Variants in NRG3 observed in about 807,000 individuals in gnomAD.
NRG3 encodes pro-neuregulin-3, membrane-bound isoform.
In NRG3, 31 loss-of-function variants were observed where a neutral mutation model predicts 66.9. The ratio of observed to expected loss-of-function variants is 0.46; its 90% CI spans 0.35 to 0.63. The LOEUF (loss-of-function observed/expected upper bound fraction) is 0.63, where lower values mean the gene tolerates loss of function less well. Ranked by LOEUF, NRG3 falls within the 20% of genes least tolerant of loss-of-function variation. The pLI is 0.00. For missense variants in NRG3, 910 were observed against 878.9 expected, an observed-to-expected ratio of 1.04 and a Z score of -0.45; for synonymous variants, 393 against 359.4, an observed-to-expected ratio of 1.09 and a Z score of -1.06.
chr10:82,243,163 A>G (rs1475371674), intron 1 of NRG3, among the ~76,000 whole-genome samples: 5 of 152,232 alleles, frequency 3.3e-5, no homozygotes, highest in Non-Finnish European at 7.3e-5. Flanking sequence ...CTCCAAAGTT[A>G]AAGTGATATG....
At chr10:82,348,262 G>A (rs909500978) in intron 1 of NRG3, among the ~76,000 whole-genome samples, 4 of 151,932 alleles carry the variant, frequency 2.6e-5, no homozygotes, top group Non-Finnish European at 4.4e-5. Flanking sequence ...GGGCAGGCCT[G>A]GTGGTGACAA....
chr10:82,459,061 C>A (rs1305303541), intron 2 of NRG3, among the ~76,000 whole-genome samples: 3 of 152,170 alleles, frequency 2.0e-5, no homozygotes, highest in African/African-American at 7.2e-5. Context: ...CATGGCAGGG[C>A]TGCTACCAAA....
intron 2 of NRG3, among the ~76,000 whole-genome samples, chr10:82,417,764 C>T (rs1209099247): frequency 1.3e-5 from 2 of 152,132 alleles, no homozygotes; most frequent in Non-Finnish European, 2.9e-5. Flanking sequence ...ATTATCACCG[C>T]GAAGCCCAGC....
At chr10:82,853,414 C>G (rs965635490) in intron 3 of NRG3, among the ~76,000 whole-genome samples, 4 of 152,076 alleles carry the variant, frequency 2.6e-5, no homozygotes, top group Non-Finnish European at 5.9e-5. Flanking sequence ...TTGATTCTAC[C>G]CATCCATGAG....
At chr10:82,915,514 A>G (rs550087883) in intron 4 of NRG3, among the ~76,000 whole-genome samples, 1 of 152,314 alleles carries the variant, frequency 6.6e-6, no homozygotes, top group African/African-American at 2.4e-5. Context: ...AAAATAAACA[A>G]TATTCCTGGC....
At chr10:82,082,432 A>AG (rs760927792) in intron 1 of NRG3, among the ~76,000 whole-genome samples, 2 of 152,314 alleles carry the variant, frequency 1.3e-5, no homozygotes, top group South Asian at 2.1e-4. Flanking sequence ...TAGTGAGTCA[A>AG]GGAAGTGTTA....
chr10:82,200,628 G>T (rs12219171), intron 1 of NRG3, among the ~76,000 whole-genome samples: 1 of 152,086 alleles, frequency 6.6e-6, no homozygotes. Context: ...AACCTATGAC[G>T]CAAGAGGAAG....
At chr10:82,179,602 A>G (rs2073276140) in intron 1 of NRG3, among the ~76,000 whole-genome samples, 1 of 151,904 alleles carries the variant, frequency 6.6e-6, no homozygotes, top group African/African-American at 2.4e-5. Context: ...TCCCTTGACT[A>G]TATGTTTGTC....
intron 2 of NRG3, among the ~76,000 whole-genome samples, chr10:82,562,551 C>T (rs577292773): frequency 6.6e-6 from 1 of 152,332 alleles, no homozygotes; most frequent in South Asian, 2.1e-4. Flanking sequence ...GAAACACAGT[C>T]AGTCCCTCTG....
At chr10:82,888,951 T>C (rs1166561663) in intron 4 of NRG3, among the ~76,000 whole-genome samples, 3 of 152,026 alleles carry the variant, frequency 2.0e-5, no homozygotes, top group Non-Finnish European at 2.9e-5. Context: ...AAGGCAACTG[T>C]GACTGGAGCG....
At chr10:82,112,731 T>A (rs2067461472) in intron 1 of NRG3, among the ~76,000 whole-genome samples, 1 of 152,122 alleles carries the variant, frequency 6.6e-6, no homozygotes, top group South Asian at 2.1e-4. Context: ...TCCCAAATGA[T>A]CTTGTTGAAG....
intron 3 of NRG3, among the ~76,000 whole-genome samples, chr10:82,789,666 C>T (rs986373583): frequency 6.6e-6 from 1 of 152,006 alleles, no homozygotes; most frequent in African/African-American, 2.4e-5. Context: ...GAATGTTTGA[C>T]ACATTTACAT....
intron 2 of NRG3, among the ~76,000 whole-genome samples, chr10:82,434,858 G>C (rs1330410925): frequency 2.6e-5 from 4 of 152,130 alleles, no homozygotes; most frequent in Admixed American, 2.6e-4. Flanking sequence ...ATATTTTATT[G>C]AGAATTTTTG....
At chr10:82,960,175 T>C (rs186469205) in intron 6 of NRG3, among the ~76,000 whole-genome samples, 22 of 152,362 alleles carry the variant, frequency 1.4e-4, no homozygotes, top group Middle Eastern at 3.4e-3. Context: ...GCAGAATTCA[T>C]AAATCAGAGT....
chr10:82,510,375 C>T (rs145046456), intron 2 of NRG3, among the ~76,000 whole-genome samples: 383 of 152,252 alleles, frequency 2.5e-3, no homozygotes, highest in African/African-American at 8.8e-3. Flanking sequence ...AGGCCCCTTC[C>T]ATGGAAGAAG....
intron 1 of NRG3, among the ~76,000 whole-genome samples, chr10:81,911,603 GTTTTTTTTTTTT>G (rs796518872): frequency 1.0e-4 from 8 of 77,944 alleles, no homozygotes; most frequent in Admixed American, 1.4e-4. Context: ...GCACAGACTT[GTTTTTTTTTTTT>G]TTTTTTTTTT....
chr10:82,931,065 A>G (rs2132160019), intron 4 of NRG3, among the ~76,000 whole-genome samples: 1 of 152,280 alleles, frequency 6.6e-6, no homozygotes, highest in Middle Eastern at 3.4e-3. Flanking sequence ...AGACAGGCCC[A>G]GGGCATGAAG....
At chr10:82,362,547 G>GTTTTT (rs1564840163) in intron 2 of NRG3, among the ~76,000 whole-genome samples, 2 of 47,236 alleles carry the variant, frequency 4.2e-5, no homozygotes, top group African/African-American at 2.7e-4. Flanking sequence ...ATAATTTCTG[G>GTTTTT]GTTTTTTTTT....
rs1845967529 is a variant in NRG3 at position 82,917,604 on chromosome 10, A to G, written c.1055-33865A>G. On this transcript the variant is annotated intron_variant, in intron 4 of 8. Transcript: ENST00000372141. ...CATTTCCCCATCCCTAACTCCTCTG[A>G]TAGTTCAGTAACTTCATCTTCCTTG... Among the ~76,000 whole-genome samples, 3 of 152,080 alleles carry G rather than the reference A, an allele frequency of 2.0e-5. No homozygotes were observed. In the South Asian group the frequency reaches 6.2e-4, roughly 32 times the overall value.
Sources: gnomAD v4.1 joint callset for allele counts (sites outside exome capture counted in the v4.1 genomes callset) on GRCh38, gnomAD v4.1.1 for gene constraint, MANE v1.5 for transcripts, NCBI Gene and HGNC (gene_info 2026-07-23, HGNC 2026-07-21) for gene names.